EPB41L3: variants seen among roughly 807,000 people sequenced by gnomAD.
The protein encoded by EPB41L3 is band 4.1-like protein 3.
A neutral mutation model predicts 127.1 loss-of-function variants in EPB41L3; 57 were observed. That is an observed-to-expected ratio of 0.45 (90% CI 0.36 to 0.56). EPB41L3 has a LOEUF of 0.56. Ranked by LOEUF, EPB41L3 falls within the 20% of genes least tolerant of loss-of-function variation. EPB41L3 has a pLI of 0.00. For synonymous variants in EPB41L3, 572 were observed against 549.5 expected, an observed-to-expected ratio of 1.04 and a Z score of -0.57; for missense variants, 1,273 against 1,372.2, an observed-to-expected ratio of 0.93 and a Z score of 1.14.
chr18:5,437,262 G>GGA (rs1223015899), intron 6 of EPB41L3, among the ~76,000 whole-genome samples: 3 of 152,192 alleles, frequency 2.0e-5, no homozygotes, highest in Admixed American at 6.5e-5. Context: ...AAGAAAGGCT[G>GGA]GAGAGAGAGA....
At chr18:5,476,173 T>C (rs185956993) in intron 3 of EPB41L3, among the ~76,000 whole-genome samples, 17 of 152,298 alleles carry the variant, frequency 1.1e-4, no homozygotes, top group Admixed American at 3.9e-4. Flanking sequence ...CATGTCCAAA[T>C]TTCTCCATCT....
Position 5,399,563 on chromosome 18 carries a change from C to A in EPB41L3, c.2350-1420G>T, listed in dbSNP as rs538731529. 1.8e-4 allele frequency: 71 copies of A among 394,336 alleles called. 2 individuals are homozygous for A. In the South Asian group the frequency reaches 9.5e-3, roughly 53 times the overall value. The allele number at this position is 394,336 out of a possible 1,614,324, so 24.4% of individuals were successfully genotyped here. Reference sequence around the variant, plus strand: ...ATCTCTTCTCCTCTGAAATGATAAACTATAAACTTCAGCTCAGAATACATT... The same window carrying A: ...ATCTCTTCTCCTCTGAAATGATAAAATATAAACTTCAGCTCAGAATACATT... On this transcript the variant is annotated intron_variant, in intron 16 of 22. Coordinates refer to ENST00000341928, the MANE Select transcript of EPB41L3 (RefSeq NM_012307.5).
At chr18:5,526,140 A>G (rs927568047) in intron 1 of EPB41L3, among the ~76,000 whole-genome samples, 3 of 152,238 alleles carry the variant, frequency 2.0e-5, no homozygotes, top group Non-Finnish European at 2.9e-5. Context: ...TCCAGGCCTG[A>G]GACATAATCC....
rs747065225 is a variant in EPB41L3 at position 5,397,981 on chromosome 18, G to A, written c.2472+40C>T. 11 of 1,613,440 alleles carry A rather than the reference G, an allele frequency of 6.8e-6. No homozygotes were observed. Among genetic ancestry groups the A allele is most frequent in the African/African-American group, 1.3e-5 (1 of 74,874 alleles). On this transcript the variant is annotated intron_variant, in intron 17 of 22. Coordinates refer to ENST00000341928, the MANE Select transcript of EPB41L3 (RefSeq NM_012307.5). This position sits in a 1 kb window ranked among gnomAD's most constrained non-coding sequence, Gnocchi z 4.1. ...AAAAAAGGGTAAGGAAAGGCACATG[G>A]GCACATTCAGAAACACCAAGGACGA...
chr18:5,581,574 C>A (rs2094393974), intron 3 of EPB41L3, among the ~76,000 whole-genome samples: 1 of 152,234 alleles, frequency 6.6e-6, no homozygotes, highest in Non-Finnish European at 1.5e-5. Context: ...ATATAAGAAC[C>A]AAATACAGTT....
chr18:5,458,653 C>T (rs972285153), intron 3 of EPB41L3, among the ~76,000 whole-genome samples: 2 of 152,122 alleles, frequency 1.3e-5, no homozygotes, highest in Non-Finnish European at 2.9e-5. Context: ...TAGAAAAAAA[C>T]ACATGAATAA....
At chr18:5,554,982 C>T (rs1261247304) in intron 3 of EPB41L3, among the ~76,000 whole-genome samples, 2 of 152,170 alleles carry the variant, frequency 1.3e-5, no homozygotes, top group African/African-American at 4.8e-5. Flanking sequence ...CGCAATCCAC[C>T]CTTCGTCCTC....
rs754459227 is a variant in EPB41L3 at position 5,400,943 on chromosome 18, G to C, written c.2350-2800C>G. The C allele has an allele frequency of 1.6e-5, 24 of 1,464,666 alleles. No homozygotes were observed. In the African/African-American group the frequency reaches 2.8e-4, roughly 17 times the overall value. 90.7% of individuals were successfully genotyped at this position (1,464,666 alleles called of 1,614,324 possible). On this transcript the variant is annotated intron_variant, in intron 16 of 22. Transcript: ENST00000341928. ...GAAGTCTGAAGACCAATTTCTTCTG[G>C]AAAATCCTTTATGTTTGGTTTTTAC...
chr18:5,535,555 T>A (rs1045761532), intron 1 of EPB41L3, among the ~76,000 whole-genome samples: 6 of 152,098 alleles, frequency 3.9e-5, no homozygotes, highest in Non-Finnish European at 8.8e-5. Context: ...ACTCCCTATA[T>A]CTCTGGGATG....
intron 3 of EPB41L3, among the ~76,000 whole-genome samples, chr18:5,603,483 G>A (rs1402636084): frequency 6.6e-6 from 1 of 152,180 alleles, no homozygotes; most frequent in Non-Finnish European, 1.5e-5. Flanking sequence ...TAGAGTCTGG[G>A]AGTGGAATAA....
intron 3 of EPB41L3, among the ~76,000 whole-genome samples, chr18:5,470,053 T>C (rs1052285150): frequency 1.3e-5 from 2 of 152,124 alleles, no homozygotes; most frequent in African/African-American, 4.8e-5. Flanking sequence ...GCTGGGATTA[T>C]AGACGTGAGC....
At chr18:5,561,024 C>G (rs1008406187) in intron 3 of EPB41L3, among the ~76,000 whole-genome samples, 1 of 123,640 alleles carries the variant, frequency 8.1e-6, no homozygotes, top group African/African-American at 3.1e-5. Context: ...GTCGCCCAGG[C>G]TGGAGTGCAG....
At chr18:5,515,800 T>G (rs2092726084) in intron 1 of EPB41L3, among the ~76,000 whole-genome samples, 1 of 152,170 alleles carries the variant, frequency 6.6e-6, no homozygotes, top group Non-Finnish European at 1.5e-5. Context: ...AATGAAAACA[T>G]TTTCAAAACA....
chr18:5,424,302 G>A lies in EPB41L3; in HGVS notation c.1123C>T (p.Arg375Cys), dbSNP rs935184617. 36 of 1,606,512 alleles carry A rather than the reference G, an allele frequency of 2.2e-5. No individual in the cohort carries two copies. Among genetic ancestry groups the A allele is most frequent in the Non-Finnish European group, 2.9e-5 (34 of 1,176,694 alleles). Residue 375 changes from arginine to cysteine, a missense_variant, in exon 10 of 23, where the codon CGT becomes TGT. Around this residue, in one of 3 missense-constraint regions of EPB41L3, gnomAD observed 326 missense variants for 440.2 expected, o/e 0.74. Transcript: ENST00000341928. ...TGCTCAACACATACTTTCCATAAAC[G>A]CTTGGCAGCTCGATGGTTTGGCAGC... ...FKLPNHRAAKRLWKVCVEHHT... is the reference protein window; with the variant it reads ...FKLPNHRAAKCLWKVCVEHHT...
intron 3 of EPB41L3, among the ~76,000 whole-genome samples, chr18:5,589,536 T>C (rs546605843): frequency 6.6e-6 from 1 of 152,330 alleles, no homozygotes; most frequent in South Asian, 2.1e-4. Context: ...TGTGTTTAGA[T>C]GAGTCTTTAT....
intron 1 of EPB41L3, chr18:5,528,946 C>T (rs1030121631): frequency 1.3e-5 from 2 of 152,146 alleles, no homozygotes; most frequent in Non-Finnish European, 2.9e-5. Flanking sequence ...AAGCTTACTG[C>T]TTACCTTTGA....
chr18:5,474,125 G>A (rs1300582008), intron 3 of EPB41L3, among the ~76,000 whole-genome samples: 1 of 152,016 alleles, frequency 6.6e-6, no homozygotes, highest in African/African-American at 2.4e-5. Flanking sequence ...CAGCTACTCA[G>A]GAGGCTGAGG....
At chr18:5,493,283 G>C (rs1158328261) in intron 1 of EPB41L3, among the ~76,000 whole-genome samples, 1 of 152,160 alleles carries the variant, frequency 6.6e-6, no homozygotes, top group East Asian at 1.9e-4. Flanking sequence ...TGTCATTTAT[G>C]TGTAAGACAG....
At chr18:5,506,403 C>A (rs1375800191) in intron 1 of EPB41L3, among the ~76,000 whole-genome samples, 1 of 152,160 alleles carries the variant, frequency 6.6e-6, no homozygotes, top group Non-Finnish European at 1.5e-5. Context: ...CACCCGAGGC[C>A]TCTACATTTG....
Sources: allele counts gnomAD v4.1 joint callset (sites outside exome capture counted in the v4.1 genomes callset), GRCh38; gene constraint gnomAD v4.1.1; regional missense constraint gnomAD v4.1.1; non-coding constraint Gnocchi (gnomAD v3.1); transcripts MANE v1.5; gene names NCBI Gene and HGNC (gene_info 2026-07-23, HGNC 2026-07-21).